AFG3L2: variants seen among roughly 807,000 people sequenced by gnomAD.
The protein encoded by AFG3L2 is AFG3 like matrix AAA peptidase subunit 2.
In AFG3L2, 54 loss-of-function variants were observed where a neutral mutation model predicts 94.5. The observed-to-expected ratio is 0.57, with a 90% confidence interval of 0.46 to 0.72. The LOEUF (loss-of-function observed/expected upper bound fraction) is 0.72. Among genes scored for constraint, AFG3L2 ranks in the 30% least tolerant of loss-of-function variants. The pLI is 0.00. For synonymous variants in AFG3L2, 377 were observed against 365.5 expected (o/e 1.03, Z -0.36); for missense variants, 754 against 994.9 (o/e 0.76, Z 3.26).
At chr18:12,366,830 T>A in intron 5 of AFG3L2, 135 bp downstream of exon 5, 6 of 1,260,416 alleles carry the variant, frequency 4.8e-6, no homozygotes, top group Non-Finnish European at 6.9e-6. Flanking sequence ...CTTCTCAGCA[T>A]TAGAAAAATC....
chr18:12,359,035 T>C (rs1428752584), intron 7 of AFG3L2, 92 bp from the exon 8 acceptor site: 2 of 1,517,176 alleles, frequency 1.3e-6, no homozygotes, highest in Admixed American at 2.0e-5. Flanking sequence ...TATATATAGC[T>C]ACACCAAGGT....
At chr18:12,358,112 G>T (rs1377690011) in intron 8 of AFG3L2, among the ~76,000 whole-genome samples, 1 of 152,160 alleles carries the variant, frequency 6.6e-6, no homozygotes, top group African/African-American at 2.4e-5. Context: ...CTTAATAGCT[G>T]ATCCATTTAA....
intron 10 of AFG3L2, among the ~76,000 whole-genome samples, chr18:12,351,725 T>G (rs908705613): frequency 2.6e-5 from 4 of 152,058 alleles, no homozygotes; most frequent in African/African-American, 7.2e-5. Context: ...TTTTGTATTT[T>G]TAGTAGAGAT....
At chr18:12,331,066 C>CGG (rs1907508975) in intron 16 of AFG3L2, among the ~76,000 whole-genome samples, 1 of 152,194 alleles carries the variant, frequency 6.6e-6, no homozygotes, top group Non-Finnish European at 1.5e-5. Flanking sequence ...AATGATGGGC[C>CGG]CCATGTAGAT....
At chr18:12,339,658 C>G (rs1003985131) in intron 15 of AFG3L2, among the ~76,000 whole-genome samples, 4 of 151,400 alleles carry the variant, frequency 2.6e-5, no homozygotes, top group Non-Finnish European at 5.9e-5. Flanking sequence ...ACCATCCTGG[C>G]TAACACGGTG....
chr18:12,362,777 T>C (rs1156342830), intron 6 of AFG3L2, among the ~76,000 whole-genome samples: 2 of 143,828 alleles, frequency 1.4e-5, no homozygotes, highest in African/African-American at 3.0e-5. Context: ...AGACAATGTG[T>C]GAGAGGACGT....
At chr18:12,329,928 TTA>T (rs1907464633) in intron 16 of AFG3L2, 145 bp from the exon 17 acceptor site, 2 of 727,908 alleles carry the variant, frequency 2.7e-6, no homozygotes, top group Admixed American at 5.0e-5. Flanking sequence ...TTGCATAGTT[TTA>T]GAGTAAGATG....
chr18:12,368,935 A>G (rs1908892757), intron 3 of AFG3L2, among the ~76,000 whole-genome samples: 1 of 152,068 alleles, frequency 6.6e-6, no homozygotes, highest in African/African-American at 2.4e-5. Context: ...GTGACCATGA[A>G]GCAACCCCTC....
intron 13 of AFG3L2, among the ~76,000 whole-genome samples, chr18:12,346,641 C>A (rs530833826): frequency 6.6e-6 from 1 of 152,188 alleles, no homozygotes; most frequent in African/African-American, 2.4e-5. Context: ...CAGTGGCTCA[C>A]GCCTGTAATC....
chr18:12,361,793 A>G (rs987515747), intron 6 of AFG3L2, among the ~76,000 whole-genome samples: 13 of 152,260 alleles, frequency 8.5e-5, no homozygotes, highest in Non-Finnish European at 1.2e-4. Flanking sequence ...TTTATATTAT[A>G]TAACAACATA....
chr18:12,358,008 T>C (rs1908546206), intron 8 of AFG3L2, among the ~76,000 whole-genome samples: 1 of 78,556 alleles, frequency 1.3e-5, no homozygotes, highest in Non-Finnish European at 2.8e-5. Flanking sequence ...AAGTAAGACA[T>C]AAAAATCAAG....
Position 12,359,992 on chromosome 18 carries a change from T to C in AFG3L2, c.687A>G (p.Leu229=). ...VDTFERNLET[L]QQELGIEGEN... Reference sequence around the variant, plus strand: ...CTCCTTCTATGCCCAATTCCTGCTGTAAAGTTTCCAGATTCCGTTCAAAGG... The same window carrying C: ...CTCCTTCTATGCCCAATTCCTGCTGCAAAGTTTCCAGATTCCGTTCAAAGG... The change falls in exon 7 of 17, where the codon TTA becomes TTG. Residue 229 remains leucine, a synonymous_variant. Transcript: ENST00000269143. 6.2e-7 allele frequency: 1 copy of C among 1,614,170 alleles called. No individual in the cohort carries two copies.
chr18:12,330,717 G>A (rs1907495183), intron 16 of AFG3L2, among the ~76,000 whole-genome samples: 1 of 151,924 alleles, frequency 6.6e-6, no homozygotes, highest in African/African-American at 2.4e-5. Flanking sequence ...GGCAGAGGTT[G>A]CAGTGAGCCG....
rs189643669 is a variant in AFG3L2 at position 12,338,793 on chromosome 18, G to T, written c.1981-1258C>A. ...ACGTGTCAATATTAAGAGGAAATCCGTATCTTCTTATTTCAAAACAGGCTA... is the reference window on the plus strand; with the variant it reads ...ACGTGTCAATATTAAGAGGAAATCCTTATCTTCTTATTTCAAAACAGGCTA... On this transcript the variant is annotated intron_variant, in intron 15 of 16. Transcript: ENST00000269143. 1.1e-3 allele frequency among the ~76,000 whole-genome samples: 170 copies of T among 152,190 alleles called. 1 individual carries two copies. The highest frequency in any genetic ancestry group is 2.1e-3 in the Non-Finnish European group (140 of 68,000).
rs142386174 is a variant in AFG3L2, at chr18:12,331,043, C to T, written c.2176-1260G>A. Among the ~76,000 whole-genome samples, 208 of 152,346 alleles carry T rather than the reference C, an allele frequency of 1.4e-3. 1 individual carries two copies. The highest frequency in any genetic ancestry group is 4.5e-3 in the African/African-American group (189 of 41,574). On this transcript the variant is annotated intron_variant, in intron 16 of 16. Transcript: ENST00000269143. ...GCTAAGAGCAGTCATGCACTGCTAACAACGTTTCAGTCAATGATGGGCCCC... is the reference window on the plus strand; with the variant it reads ...GCTAAGAGCAGTCATGCACTGCTAATAACGTTTCAGTCAATGATGGGCCCC...
chr18:12,359,879 C>T, intron 7 of AFG3L2, 48 bp downstream of exon 7: 1 of 1,609,688 alleles, frequency 6.2e-7, no homozygotes. Context: ...CACAGTGAAC[C>T]ACAGGCAGCA....
intron 14 of AFG3L2, chr18:12,343,552 T>A (rs1045717623): frequency 1.3e-5 from 2 of 155,704 alleles, no homozygotes; most frequent in Non-Finnish European, 2.8e-5. Flanking sequence ...TCTCACATGG[T>A]TCCCCCGTCT....
chr18:12,332,968 T>TAA (rs1175739544), intron 16 of AFG3L2, among the ~76,000 whole-genome samples: 14 of 30,830 alleles, frequency 4.5e-4, no homozygotes, highest in Admixed American at 7.6e-4. Flanking sequence ...CTATAATATA[T>TAA]TATATATTAT....
chr18:12,335,764 C>T (rs1000860684), intron 16 of AFG3L2, among the ~76,000 whole-genome samples: 1 of 152,198 alleles, frequency 6.6e-6, no homozygotes, highest in Non-Finnish European at 1.5e-5. Flanking sequence ...TCCTGCAGAG[C>T]CGTCCTGGAC....
Sources: gnomAD v4.1 joint callset for allele counts (sites outside exome capture counted in the v4.1 genomes callset) on GRCh38, gnomAD v4.1.1 for gene constraint, MANE v1.5 for transcripts, NCBI Gene and HGNC (gene_info 2026-07-23, HGNC 2026-07-21) for gene names.